PIWIL3: variants seen among roughly 807,000 people sequenced by gnomAD.
PIWIL3 encodes piwi-like protein 3.
PIWIL3 carries 101 observed loss-of-function variants against 109.7 expected under a neutral mutation model. That is an observed-to-expected ratio of 0.92 (90% CI 0.78 to 1.09). The LOEUF (loss-of-function observed/expected upper bound fraction) is 1.09. Among genes scored for constraint, PIWIL3 ranks in the 50% least tolerant of loss-of-function variants. The pLI is 0.00. For missense variants in PIWIL3, 1,031 were observed against 1,072.6 expected, an observed-to-expected ratio of 0.96 and a Z score of 0.54; for synonymous variants, 373 against 376.4, an observed-to-expected ratio of 0.99 and a Z score of 0.10.
chr22:24,720,595 G>A (rs779296677), intron 19 of PIWIL3, among the ~76,000 whole-genome samples: 3 of 151,854 alleles, frequency 2.0e-5, no homozygotes, highest in Admixed American at 6.6e-5. Flanking sequence ...CAATACAACC[G>A]GTAAGATTGA....
chr22:24,723,303 C>A (rs1355412098), intron 18 of PIWIL3, 48 bp from the exon 19 acceptor site: 4 of 1,552,642 alleles, frequency 2.6e-6, no homozygotes, highest in Non-Finnish European at 3.5e-6. Context: ...AGTCTTACCT[C>A]AGAAGTACAC....
rs763163514 is a variant in PIWIL3, at chr22:24,728,258, G to A, written c.1824C>T (p.Val608=). The A allele has an allele frequency of 3.7e-6, 6 of 1,614,186 alleles. No individual in the cohort carries two copies. In the South Asian group the frequency reaches 6.6e-5, roughly 18 times the overall value. ...TCTTGGTGACGATGGTCCTTGCCTGGACTTTTTCTAAGGTCTTTTTCACCA... is the reference window on the plus strand; with the variant it reads ...TCTTGGTGACGATGGTCCTTGCCTGAACTTTTTCTAAGGTCTTTTTCACCA... ...QCVVKKTLEK[V]QARTIVTKIA... Residue 608 remains valine (V), a synonymous_variant, in exon 15 of 21, where the codon GTC becomes GTT. Transcript: ENST00000616349.
At chr22:24,731,381 G>A (rs1296656422) in intron 14 of PIWIL3, among the ~76,000 whole-genome samples, 2 of 152,212 alleles carry the variant, frequency 1.3e-5, no homozygotes, top group Admixed American at 6.5e-5. Flanking sequence ...GGCCGGGCAT[G>A]GTGGCTCACG....
At chr22:24,756,368 A>G in intron 5 of PIWIL3, 123 bp downstream of exon 5, 1 of 895,332 alleles carries the variant, frequency 1.1e-6, no homozygotes, top group South Asian at 1.8e-5. Context: ...ACAACAAGTC[A>G]TATGGGCAAG....
rs1569097080 is a variant in PIWIL3 at position 24,727,940 on chromosome 22, G to A, written c.2009+10C>T. 2 of 1,597,484 alleles carry A rather than the reference G, an allele frequency of 1.3e-6. No individual in the cohort carries two copies. Among genetic ancestry groups the A allele is most frequent in the South Asian group, 2.2e-5 (2 of 90,586 alleles). On this transcript the variant is annotated intron_variant, in intron 16 of 20. Coordinates refer to ENST00000616349, the MANE Select transcript of PIWIL3 (RefSeq NM_001255975.1). ...CTACTAACTAAACATGTCTACCAGAGCTTACTTACTTTGTTAATTCAGCAT... is the reference window on the plus strand; with the variant it reads ...CTACTAACTAAACATGTCTACCAGAACTTACTTACTTTGTTAATTCAGCAT...
rs562723197 is a variant in PIWIL3 at position 24,752,940 on chromosome 22, G to A, written c.977+1074C>T. On this transcript the variant is annotated intron_variant, in intron 8 of 20. Coordinates refer to ENST00000616349, the MANE Select transcript of PIWIL3 (RefSeq NM_001255975.1). ...GGCTACTGATGTTAAACGTTTTCAC[G>A]CATCTATTGATCATTTGTACATTTT... Among the ~76,000 whole-genome samples, 28 of 152,192 alleles carry A rather than the reference G, an allele frequency of 1.8e-4. No homozygotes were observed. In the South Asian group the frequency reaches 5.8e-3, roughly 32 times the overall value.
intron 19 of PIWIL3, among the ~76,000 whole-genome samples, 177 bp downstream of exon 19, chr22:24,722,953 T>C (rs529127100): frequency 1.4e-4 from 21 of 152,214 alleles, no homozygotes; most frequent in African/African-American, 4.6e-4. Context: ...AGAAGACTCA[T>C]CGCGATTTCT....
At chr22:24,726,111 C>T (rs1922978216) in intron 16 of PIWIL3, among the ~76,000 whole-genome samples, 1 of 152,170 alleles carries the variant, frequency 6.6e-6, no homozygotes, top group African/African-American at 2.4e-5. Flanking sequence ...TCCACATTTT[C>T]ACTGCTAGTG....
chr22:24,722,705 C>T (rs1569094573), intron 19 of PIWIL3, among the ~76,000 whole-genome samples: 1 of 151,996 alleles, frequency 6.6e-6, no homozygotes, highest in African/African-American at 2.4e-5. Context: ...GGCAACAGAG[C>T]AAGACTCCAT....
rs71189275 is a variant in PIWIL3 at position 24,757,079 on chromosome 22, C to CAAAAAAAAA, written c.356-383_356-375dup. On this transcript the variant is annotated intron_variant, in intron 4 of 20. Transcript: ENST00000616349. Reference sequence around the variant, plus strand: ...GGACAACAAGAGCTAAACTCCGTCTCAAAAAAAAAAAAAAAAAAAAAAAGA... The same window carrying CAAAAAAAAA: ...GGACAACAAGAGCTAAACTCCGTCTCAAAAAAAAAAAAAAAAAAAAAAAAAAAAAAAAGA... Among the ~76,000 whole-genome samples the CAAAAAAAAA allele has an allele frequency of 8.4e-4, 77 of 91,684 alleles. 1 individual carries two copies. Among genetic ancestry groups the CAAAAAAAAA allele is most frequent in the Non-Finnish European group, 1.1e-3 (53 of 48,638 alleles). The allele number at this position is 91,684 out of a possible 152,430, so 60.1% of individuals were successfully genotyped here. A position where few individuals can be genotyped will look rare whatever the true frequency, so the allele number is the denominator to read the frequency against.
chr22:24,771,435 C>T (rs371895517), intron 1 of PIWIL3, among the ~76,000 whole-genome samples: 16 of 150,282 alleles, frequency 1.1e-4, no homozygotes, highest in Middle Eastern at 3.4e-3. Flanking sequence ...CAAGATCACA[C>T]CACTGCACTC....
At position 24,734,211 on chromosome 22, in the gene PIWIL3, G is replaced by A. The variant is rs1480653484; in HGVS notation, c.1635-55C>T. On this transcript the variant is annotated intron_variant, in intron 13 of 20. Coordinates refer to ENST00000616349, the MANE Select transcript of PIWIL3 (RefSeq NM_001255975.1). ...AAAGATACCAACCAGTGAAACAAAC[G>A]TTTCACCCAGCAAATTAAATACAAA... is the stretch of plus-strand genomic sequence containing the variant. 16 of 1,578,046 alleles carry A rather than the reference G, an allele frequency of 1.0e-5. No individual in the cohort carries two copies. In the South Asian group the frequency reaches 1.1e-4, roughly 11 times the overall value.
At chr22:24,763,611 G>C (rs564109050) in intron 1 of PIWIL3, among the ~76,000 whole-genome samples, 43 of 152,190 alleles carry the variant, frequency 2.8e-4, no homozygotes, top group African/African-American at 1.0e-3. Flanking sequence ...AACTTCTCTA[G>C]AAATTTAAGG....
At chr22:24,742,644 T>TG (rs1246856404) in intron 12 of PIWIL3, among the ~76,000 whole-genome samples, 1 of 152,098 alleles carries the variant, frequency 6.6e-6, no homozygotes, top group African/African-American at 2.4e-5. Context: ...AAAAACAAAG[T>TG]GGGGAAAGGA....
intron 11 of PIWIL3, 73 bp from the exon 12 acceptor site, chr22:24,749,094 T>C: frequency 8.5e-7 from 1 of 1,171,636 alleles, no homozygotes; most frequent in South Asian, 1.4e-5. Context: ...GCAAGGCAAT[T>C]TCCTTCTATT....
chr22:24,740,318 G>A (rs1923924404), intron 12 of PIWIL3, among the ~76,000 whole-genome samples: 1 of 151,464 alleles, frequency 6.6e-6, no homozygotes, highest in South Asian at 2.1e-4. Flanking sequence ...GGAGCCCGAG[G>A]CGGGTGGATC....
Position 24,747,859 on chromosome 22 carries a change from G to A in PIWIL3, c.1449+1048C>T, listed in dbSNP as rs371353885. Among the ~76,000 whole-genome samples, 183 of 152,272 alleles carry A rather than the reference G, an allele frequency of 1.2e-3. No homozygotes were observed. The South Asian group carries it at 0.017, about 14-fold the overall frequency. ...GAATGTCAATTACTATAACCACTAT[G>A]GAGAACAGTTTGGAGGTTCCTCAAA... On this transcript the variant is annotated intron_variant, in intron 12 of 20. Coordinates refer to ENST00000616349, the MANE Select transcript of PIWIL3 (RefSeq NM_001255975.1).
intron 13 of PIWIL3, among the ~76,000 whole-genome samples, chr22:24,735,222 T>A (rs994451046): frequency 6.6e-6 from 1 of 152,130 alleles, no homozygotes; most frequent in African/African-American, 2.4e-5. Context: ...ACCAGTAGAA[T>A]GTACAACTCC....
At position 24,763,083 on chromosome 22, in the gene PIWIL3, GC is replaced by G. The variant is rs897760773; in HGVS notation, c.-22-563del. On this transcript the variant is annotated intron_variant, in intron 1 of 20. Coordinates refer to ENST00000616349, the MANE Select transcript of PIWIL3 (RefSeq NM_001255975.1). ...TCCTATCACATCAAAAAGACTGACTGCCCCCCGAGTCAGCAGAGAAGCATCC... is the reference window on the plus strand; with the variant it reads ...TCCTATCACATCAAAAAGACTGACTGCCCCCGAGTCAGCAGAGAAGCATCC... Among the ~76,000 whole-genome samples the G allele has an allele frequency of 2.4e-4, 37 of 151,562 alleles. No individual in the cohort carries two copies. The Middle Eastern group carries it at 0.014, about 57-fold the overall frequency.
Sources: allele counts gnomAD v4.1 joint callset (sites outside exome capture counted in the v4.1 genomes callset), GRCh38; gene constraint gnomAD v4.1.1; transcripts MANE v1.5; gene names NCBI Gene and HGNC (gene_info 2026-07-23, HGNC 2026-07-21).